Variants in CNTN3 observed in about 807,000 individuals in gnomAD.
The protein encoded by CNTN3 is contactin-3.
Under a neutral mutation model 119.1 loss-of-function variants are expected in CNTN3, and 60 were observed. The observed-to-expected ratio is 0.50, with a 90% CI of 0.41 to 0.62. The LOEUF is 0.62. Ranked by LOEUF, CNTN3 falls within the 20% of genes least tolerant of loss-of-function variation. The pLI, the probability that CNTN3 is intolerant of heterozygous loss-of-function variation, is 0.00. For missense variants in CNTN3, 1,101 were observed against 1,242.4 expected, an observed-to-expected ratio of 0.89 and a Z score of 1.71; for synonymous variants, 450 against 438.7, an observed-to-expected ratio of 1.03 and a Z score of -0.32.
intron 5 of CNTN3, among the ~76,000 whole-genome samples, chr3:74,378,339 A>G (rs1704528951): frequency 6.6e-6 from 1 of 152,186 alleles, no homozygotes; most frequent in South Asian, 2.1e-4. Context: ...CATGTTTAAC[A>G]TTTCGTTGCA....
At chr3:74,588,755 G>C (rs1226503814) in intron 1 of CNTN3, among the ~76,000 whole-genome samples, 1 of 152,124 alleles carries the variant, frequency 6.6e-6, no homozygotes, top group African/African-American at 2.4e-5. Flanking sequence ...TACCAAAACA[G>C]AGATACAGAT....
At chr3:74,572,028 C>T (rs888034064) in intron 1 of CNTN3, among the ~76,000 whole-genome samples, 2 of 152,068 alleles carry the variant, frequency 1.3e-5, no homozygotes, top group Non-Finnish European at 2.9e-5. Flanking sequence ...CAAGCCTTTG[C>T]AACTCTTCTC....
intron 4 of CNTN3, among the ~76,000 whole-genome samples, chr3:74,449,619 C>T (rs1198628497): frequency 1.3e-5 from 2 of 152,042 alleles, no homozygotes; most frequent in East Asian, 1.9e-4. Flanking sequence ...GAGGACCACA[C>T]CTTTTGAAAC....
Position 74,436,270 on chromosome 3 carries a change from A to G in CNTN3, c.359-11330T>C, listed in dbSNP as rs540452047. Among the ~76,000 whole-genome samples the G allele has an allele frequency of 9.8e-5, 15 of 152,318 alleles. No individual in the cohort carries two copies. The South Asian group carries it at 3.1e-3, about 32-fold the overall frequency. ...TATGTGAAAGATACCTTCTCTGAAC[A>G]TTTTGGATGTTTACGGAAACTGCAT... On this transcript the variant is annotated intron_variant, in intron 4 of 22. Coordinates refer to ENST00000263665, the MANE Select transcript of CNTN3 (RefSeq NM_020872.3).
intron 4 of CNTN3, among the ~76,000 whole-genome samples, chr3:74,434,313 A>G (rs1157250187): frequency 6.6e-6 from 1 of 152,224 alleles, no homozygotes; most frequent in Non-Finnish European, 1.5e-5. Context: ...AAATGAAAAC[A>G]ATTATACAAG....
At chr3:74,356,167 T>C (rs553045110) in intron 11 of CNTN3, among the ~76,000 whole-genome samples, 40 of 152,054 alleles carry the variant, frequency 2.6e-4, no homozygotes, top group Non-Finnish European at 5.4e-4. Flanking sequence ...CAAGGCCCCA[T>C]CTATGCATCA....
intron 20 of CNTN3, among the ~76,000 whole-genome samples, chr3:74,281,519 CT>C (rs993382559): frequency 2.0e-4 from 30 of 152,092 alleles, no homozygotes; most frequent in African/African-American, 7.0e-4. Context: ...ATATTTTTCT[CT>C]GTCTCAGCAT....
In CNTN3 at chr3:74,328,328, T is replaced by C. The variant is rs144476646; in HGVS notation, c.1668+6407A>G. On this transcript the variant is annotated intron_variant, in intron 13 of 22. Transcript: ENST00000263665. ...TTTATTTTCATGACAAAAGGAAATT[T>C]TTCCAAAAAAAATTTATCCTTTTTG... Among the ~76,000 whole-genome samples the C allele has an allele frequency of 4.3e-3, 649 of 152,296 alleles. 4 individuals are homozygous for C. The highest frequency in any genetic ancestry group is 0.01 in the Admixed American group (155 of 15,294).
chr3:74,585,501 A>T (rs1704578537), intron 1 of CNTN3, among the ~76,000 whole-genome samples: 1 of 152,158 alleles, frequency 6.6e-6, no homozygotes, highest in African/African-American at 2.4e-5. Flanking sequence ...TTAGAGAAGT[A>T]AAGTATTACA....
At chr3:74,357,692 C>T (rs904384195) in intron 11 of CNTN3, among the ~76,000 whole-genome samples, 5 of 152,060 alleles carry the variant, frequency 3.3e-5, no homozygotes, top group Non-Finnish European at 5.9e-5. Context: ...GTATTTGCTG[C>T]CAGTGGCCTC....
At position 74,267,420 on chromosome 3, in the gene CNTN3, CA is replaced by C. The variant is rs780426805; in HGVS notation, c.2705-43del. 3.0e-5 allele frequency: 42 copies of C among 1,381,548 alleles called. No individual in the cohort carries two copies. In the East Asian group the frequency reaches 4.3e-4, roughly 14 times the overall value. The allele number at this position is 1,381,548 out of a possible 1,614,324, so 85.6% of individuals were successfully genotyped here. On this transcript the variant is annotated intron_variant, in intron 20 of 22. Coordinates refer to ENST00000263665, the MANE Select transcript of CNTN3 (RefSeq NM_020872.3). The stretch of plus-strand genomic sequence containing the variant: ...AGAAATTTTAAAACAGATCGAAGTA[CA>C]AGTGATATTTTACACGGAGGAGATG...
chr3:74,284,045 T>A (rs1207425930), intron 20 of CNTN3, among the ~76,000 whole-genome samples: 1 of 152,186 alleles, frequency 6.6e-6, no homozygotes, highest in Non-Finnish European at 1.5e-5. Context: ...ACACTCTTTT[T>A]TCTATACCTA....
At chr3:74,485,938 C>T (rs80159262) in intron 4 of CNTN3, among the ~76,000 whole-genome samples, 4,380 of 152,130 alleles carry the variant, frequency 0.029, 192 homozygotes, top group East Asian at 0.23. Context: ...GTGAGGTCAT[C>T]TGTGATAAGA....
chr3:74,535,743 T>C (rs1242804519), intron 1 of CNTN3, among the ~76,000 whole-genome samples: 1 of 152,110 alleles, frequency 6.6e-6, no homozygotes, highest in Non-Finnish European at 1.5e-5. Context: ...ATGAGATCTT[T>C]CAGTTTTTAT....
At chr3:74,594,295 T>A (rs867697424) in intron 1 of CNTN3, among the ~76,000 whole-genome samples, 3,171 of 145,960 alleles carry the variant, frequency 0.022, 50 homozygotes, top group South Asian at 0.11. Context: ...TTTTTTACTT[T>A]TTTTTTAATT....
At chr3:74,312,005 A>T (rs1319336917) in intron 13 of CNTN3, among the ~76,000 whole-genome samples, 1 of 152,264 alleles carries the variant, frequency 6.6e-6, no homozygotes, top group East Asian at 1.9e-4. Context: ...AGCCAATCAT[A>T]GGGGGTGCTG....
chr3:74,526,929 C>T (rs1246145768), intron 1 of CNTN3, among the ~76,000 whole-genome samples: 2 of 151,678 alleles, frequency 1.3e-5, no homozygotes, highest in African/African-American at 4.8e-5. Context: ...GTTAAGGTCC[C>T]TTTTTAGAAT....
chr3:74,424,864 G>A lies in CNTN3; in HGVS notation c.435C>T (p.Gly145=), dbSNP rs1392855076. The change falls in exon 5 of 23, where the codon GGC becomes GGT. Residue 145 remains glycine, a synonymous_variant. Transcript: ENST00000263665. ...ACTTACCTCCAGAGTGTGGTGGGGG[G>A]CCGCAGAGCAGCACAACTCCCTGGC... ...REGQGVVLLC[G]PPPHSGELSY... The A allele has an allele frequency of 3.1e-6, 5 of 1,613,496 alleles. No homozygotes were observed. Among genetic ancestry groups the A allele is most frequent in the Non-Finnish European group, 3.4e-6 (4 of 1,179,658 alleles).
chr3:74,600,038 A>AT (rs1237198099), intron 1 of CNTN3, among the ~76,000 whole-genome samples: 1 of 151,460 alleles, frequency 6.6e-6, no homozygotes, highest in African/African-American at 2.5e-5. Flanking sequence ...GGTTGATGAC[A>AT]GTTTTTTATT....
Sources: allele counts gnomAD v4.1 joint callset (sites outside exome capture counted in the v4.1 genomes callset), GRCh38; gene constraint gnomAD v4.1.1; transcripts MANE v1.5; gene names NCBI Gene and HGNC (gene_info 2026-07-23, HGNC 2026-07-21).